Variants in TAOK3 observed in about 807,000 individuals in gnomAD.
TAOK3 encodes the protein serine/threonine-protein kinase TAO3.
A neutral mutation model predicts 120.4 loss-of-function variants in TAOK3; 40 were observed. The ratio of observed to expected loss-of-function variants is 0.33; its 90% CI spans 0.26 to 0.43. TAOK3 has a LOEUF of 0.43. TAOK3 is among the 20% of genes least tolerant of loss of function. The probability of loss-of-function intolerance (pLI) is 1.00; values close to 1 mark genes in which losing one functional copy is unlikely to be tolerated. For missense variants in TAOK3, 821 were observed against 1,112.1 expected, an observed-to-expected ratio of 0.74 and a Z score of 3.72; for synonymous variants, 355 against 387.5, an observed-to-expected ratio of 0.92 and a Z score of 0.99.
intron 1 of TAOK3, among the ~76,000 whole-genome samples, chr12:118,330,683 C>A (rs1157407175): frequency 7.9e-6 from 1 of 126,430 alleles, no homozygotes. Flanking sequence ...GAAAAAGAAA[C>A]CAAGAAAAAA....
At chr12:118,222,777 G>A (rs1311865144) in intron 9 of TAOK3, among the ~76,000 whole-genome samples, 1 of 152,084 alleles carries the variant, frequency 6.6e-6, no homozygotes, top group Non-Finnish European at 1.5e-5. Context: ...ACTCAGAAGA[G>A]GAAGGGTAGG....
At chr12:118,157,766 T>C (rs933482009) in intron 19 of TAOK3, among the ~76,000 whole-genome samples, 29 of 152,238 alleles carry the variant, frequency 1.9e-4, no homozygotes, top group African/African-American at 6.8e-4. Context: ...GTACATCACG[T>C]AGGCACTCAA....
In TAOK3 at chr12:118,238,179, G is replaced by GA. The variant is rs746260785; in HGVS notation, c.341-11dup. 50,386 of 1,164,718 alleles carry GA rather than the reference G, an allele frequency of 0.043. No individual in the cohort carries two copies. Among genetic ancestry groups the GA allele is most frequent in the South Asian group, 0.052 (3,120 of 60,396 alleles). 72.1% of individuals were successfully genotyped at this position (1,164,718 alleles called of 1,614,324 possible). A position where few individuals can be genotyped will look rare whatever the true frequency, so the allele number is the denominator to read the frequency against. ...AGTGGTTTTTTATGAACTGAGGAAGGAAAAAAAAAAAAGTCAGTAGATGAT... is the reference window on the plus strand; with the variant it reads ...AGTGGTTTTTTATGAACTGAGGAAGGAAAAAAAAAAAAAGTCAGTAGATGAT... On this transcript the variant is annotated splice_polypyrimidine_tract_variant and intron_variant, in intron 6 of 20. Transcript: ENST00000392533.
intron 1 of TAOK3, among the ~76,000 whole-genome samples, chr12:118,332,498 T>A (rs1165985500): frequency 6.6e-6 from 1 of 152,202 alleles, no homozygotes; most frequent in Non-Finnish European, 1.5e-5. Flanking sequence ...TGCAGGCCAA[T>A]GGACATCTCC....
chr12:118,321,464 T>C (rs889351906), intron 1 of TAOK3, among the ~76,000 whole-genome samples: 3 of 152,182 alleles, frequency 2.0e-5, no homozygotes, highest in Non-Finnish European at 4.4e-5. Flanking sequence ...TTTGCCATGT[T>C]GCCCAGGCTG....
At chr12:118,330,204 G>A (rs1252314556) in intron 1 of TAOK3, among the ~76,000 whole-genome samples, 1 of 152,098 alleles carries the variant, frequency 6.6e-6, no homozygotes, top group Non-Finnish European at 1.5e-5. Context: ...AAGTCAAAGT[G>A]ACAGATGAGA....
intron 15 of TAOK3, 57 bp from the exon 16 acceptor site, chr12:118,177,386 G>T: frequency 6.5e-7 from 1 of 1,539,570 alleles, no homozygotes; most frequent in South Asian, 1.1e-5. Flanking sequence ...AGAATTCAGT[G>T]ATCTATATTC....
intron 1 of TAOK3, among the ~76,000 whole-genome samples, chr12:118,274,529 T>C (rs2041839603): frequency 6.6e-6 from 1 of 152,212 alleles, no homozygotes; most frequent in African/African-American, 2.4e-5. Context: ...TATTTTGATT[T>C]CTTATGGAGT....
intron 17 of TAOK3, among the ~76,000 whole-genome samples, chr12:118,170,068 A>G (rs1427952648): frequency 6.6e-6 from 1 of 152,048 alleles, no homozygotes; most frequent in African/African-American, 2.4e-5. Context: ...TTAAACTTCA[A>G]ATGGTGTTTT....
At chr12:118,202,811 G>A (rs34888508) in intron 11 of TAOK3, among the ~76,000 whole-genome samples, 13,689 of 123,416 alleles carry the variant, frequency 0.11, 970 homozygotes, top group Middle Eastern at 0.19. Flanking sequence ...ATGGAGTCTC[G>A]CTCTCTCACC....
intron 1 of TAOK3, among the ~76,000 whole-genome samples, chr12:118,328,996 C>T (rs763942622): frequency 6.4e-4 from 97 of 152,122 alleles, no homozygotes; most frequent in Non-Finnish European, 1.0e-3. Context: ...AAAGAGATTG[C>T]ATCTAGTGAG....
intron 1 of TAOK3, among the ~76,000 whole-genome samples, chr12:118,285,109 T>A (rs2042218761): frequency 6.6e-6 from 1 of 152,082 alleles, no homozygotes; most frequent in South Asian, 2.1e-4. Context: ...ACTAACCTTT[T>A]AATTGCTGAA....
intron 1 of TAOK3, among the ~76,000 whole-genome samples, chr12:118,274,319 C>G (rs75345802): frequency 6.6e-6 from 1 of 152,122 alleles, no homozygotes; most frequent in Non-Finnish European, 1.5e-5. Flanking sequence ...AATATCCTCA[C>G]ATTTAAGAGC....
chr12:118,261,636 A>G (rs1032312688), intron 2 of TAOK3: 6 of 152,158 alleles, frequency 3.9e-5, no homozygotes, highest in East Asian at 1.9e-4. Flanking sequence ...TCTCTTTACA[A>G]CACCAAACCA....
At chr12:118,230,721 G>A (rs1446805673) in intron 9 of TAOK3, among the ~76,000 whole-genome samples, 1 of 151,818 alleles carries the variant, frequency 6.6e-6, no homozygotes. Flanking sequence ...CGCCCGCCTC[G>A]GCCTCCCAAA....
chr12:118,228,056 G>A (rs1383599302), intron 9 of TAOK3, among the ~76,000 whole-genome samples: 1 of 151,708 alleles, frequency 6.6e-6, no homozygotes, highest in Non-Finnish European at 1.5e-5. Flanking sequence ...AAATAAGAAA[G>A]TAGATACAGC....
chr12:118,293,784 C>A (rs1322484202), intron 1 of TAOK3, among the ~76,000 whole-genome samples: 1 of 151,928 alleles, frequency 6.6e-6, no homozygotes, highest in Middle Eastern at 3.2e-3. Flanking sequence ...GAGGCCGAGG[C>A]AGGCAAATCA....
intron 1 of TAOK3, among the ~76,000 whole-genome samples, chr12:118,343,752 C>A (rs1356099600): frequency 6.6e-6 from 1 of 152,110 alleles, no homozygotes; most frequent in Non-Finnish European, 1.5e-5. Context: ...GTGGCTCACA[C>A]CTGTAATCCC....
At chr12:118,307,782 C>T (rs1014474708) in intron 1 of TAOK3, among the ~76,000 whole-genome samples, 2 of 152,190 alleles carry the variant, frequency 1.3e-5, no homozygotes, top group South Asian at 2.1e-4. Context: ...TCTCTAACCA[C>T]GGAAATGGTA....
Sources: allele counts gnomAD v4.1 joint callset (sites outside exome capture counted in the v4.1 genomes callset), GRCh38; gene constraint gnomAD v4.1.1; transcripts MANE v1.5; gene names NCBI Gene and HGNC (gene_info 2026-07-23, HGNC 2026-07-21).